The following PINX1 variants were observed in gnomAD, a reference collection of about 807,000 sequenced individuals.
PINX1 encodes the protein PIN2 (TERF1) interacting telomerase inhibitor 1, also known as PIN2/TERF1-interacting telomerase inhibitor 1.
In PINX1, 34 loss-of-function variants were observed where a neutral mutation model predicts 25.4. The observed-to-expected ratio is 1.34, with a 90% confidence interval of 1.02 to 1.78. The LOEUF (loss-of-function observed/expected upper bound fraction) is 1.78. Among genes scored for constraint, PINX1 ranks in the 40% most tolerant of loss-of-function variants. The pLI, the probability that PINX1 is intolerant of heterozygous loss-of-function variation, is 0.00. For missense variants in PINX1, 592 were observed against 404.9 expected (o/e 1.46, Z -3.97); for synonymous variants, 197 against 147.7 (o/e 1.33, Z -2.42).
chr8:10,781,018 G>A (rs1249597833), intron 6 of PINX1, among the ~76,000 whole-genome samples: 2 of 152,196 alleles, frequency 1.3e-5, no homozygotes, highest in South Asian at 2.1e-4. Flanking sequence ...ACAGACCAAT[G>A]GAACAGGTTA....
At chr8:10,801,292 A>T (rs1377390914) in intron 6 of PINX1, among the ~76,000 whole-genome samples, 1 of 152,230 alleles carries the variant, frequency 6.6e-6, no homozygotes, top group Non-Finnish European at 1.5e-5. Context: ...CTAAAGGAGG[A>T]GAGGATGATG....
At chr8:10,779,299 T>C (rs970305646) in intron 6 of PINX1, among the ~76,000 whole-genome samples, 11 of 152,088 alleles carry the variant, frequency 7.2e-5, no homozygotes, top group African/African-American at 2.4e-4. Context: ...AATAAATGTA[T>C]AAAATAACGA....
chr8:10,777,431 G>A (rs952612647), intron 6 of PINX1, among the ~76,000 whole-genome samples: 1 of 152,176 alleles, frequency 6.6e-6, no homozygotes, highest in Non-Finnish European at 1.5e-5. Flanking sequence ...TCGGCACCAT[G>A]TGCTAGAGCG....
In PINX1 at chr8:10,831,690, G is replaced by T; in HGVS notation, c.276C>A (p.Asn92Lys). Residue 92 changes from asparagine to lysine, a missense_variant, in exon 4 of 7, where the codon AAC (asparagine) becomes AAA (lysine). Physicochemically the swap from Asn to Lys is moderately conservative, Grantham distance 94. Coordinates refer to ENST00000314787, the MANE Select transcript of PINX1 (RefSeq NM_017884.6). The part of the protein sequence containing the change: ...DDFNQLLAEL[N>K]TCHGQETTDS... ...CTGTGGTTTCCTGCCCATGGCAAGT[G>T]TTCAGTTCGGCCAGAAGCTGGTTAA... 6.2e-7 allele frequency: 1 copy of T among 1,603,670 alleles called. No homozygotes were observed. The highest frequency in any genetic ancestry group is 8.5e-7 in the Non-Finnish European group (1 of 1,173,590).
At position 10,780,599 on chromosome 8, in the gene PINX1, C is replaced by T. The variant is rs540675921; in HGVS notation, c.472-14683G>A. The stretch of plus-strand genomic sequence containing the variant: ...CTGAAAAAGAAACCAAGAAAACAAT[C>T]CCATTTATGGTACCATCAAAAAAAA... On this transcript the variant is annotated intron_variant, in intron 6 of 6. Transcript: ENST00000314787. Among the ~76,000 whole-genome samples, 176 of 151,816 alleles carry T rather than the reference C, an allele frequency of 1.2e-3. 3 individuals carry two copies. In the South Asian group the frequency reaches 0.034, roughly 29 times the overall value.
At chr8:10,796,721 T>C (rs1274170550) in intron 6 of PINX1, among the ~76,000 whole-genome samples, 1 of 150,798 alleles carries the variant, frequency 6.6e-6, no homozygotes, top group Non-Finnish European at 1.5e-5. Context: ...CCTCAACTTA[T>C]ACTAAGAGCT....
intron 6 of PINX1, among the ~76,000 whole-genome samples, chr8:10,800,952 C>T (rs1370294703): frequency 6.6e-6 from 1 of 152,196 alleles, no homozygotes; most frequent in East Asian, 1.9e-4. Flanking sequence ...AAGATGGACA[C>T]TGAGTCAGTG....
intron 6 of PINX1, among the ~76,000 whole-genome samples, chr8:10,770,459 C>T (rs1447837853): frequency 6.6e-6 from 1 of 152,206 alleles, no homozygotes; most frequent in African/African-American, 2.4e-5. Context: ...CCTGAAGCTA[C>T]ATGTATCAAC....
At chr8:10,771,675 A>G (rs561133208) in intron 6 of PINX1, among the ~76,000 whole-genome samples, 1 of 152,242 alleles carries the variant, frequency 6.6e-6, no homozygotes, top group South Asian at 2.1e-4. Flanking sequence ...ACCACCACCC[A>G]CTGGCCCCAA....
Position 10,765,412 on chromosome 8 carries a change from C to A in PINX1, c.976G>T (p.Asp326Tyr). 6.2e-7 allele frequency: 1 copy of A among 1,602,034 alleles called. No individual in the cohort carries two copies. The highest frequency in any genetic ancestry group is 8.5e-7 in the Non-Finnish European group (1 of 1,176,480). ...CGGCTGGGAAGGATTCATTTGGAAT[C>A]TTTCTTCTTCTTCTTTTTCACTAGC... ...ETLVKKKKKK[D>Y]SK Residue 326 changes from aspartate (D) to tyrosine (Y), a missense_variant, in exon 7 of 7, where the codon GAT becomes TAT. Transcript: ENST00000314787.
Position 10,821,714 on chromosome 8 carries a change from GCA to G in PINX1, c.395-1447_395-1446del, listed in dbSNP as rs1797881591. The G allele has an allele frequency of 2.0e-5, 3 of 152,332 alleles. No homozygotes were observed. In the South Asian group the frequency reaches 6.2e-4, roughly 32 times the overall value. The allele number at this position is 152,332 out of a possible 1,614,324, so 9.4% of individuals were successfully genotyped here. On this transcript the variant is annotated intron_variant, in intron 5 of 6. Transcript: ENST00000314787. ...AGCACAACCCATTTTCCAATGCAAA[GCA>G]CAGTTTGTACTTCAGAAAAGGCAGC... is the stretch of plus-strand genomic sequence containing the variant.
intron 6 of PINX1, chr8:10,771,248 C>T (rs1008581001): frequency 2.0e-5 from 3 of 152,186 alleles, no homozygotes; most frequent in African/African-American, 7.2e-5. Context: ...GGAGACCCCA[C>T]CGTCAGCTGT....
chr8:10,769,182 G>A (rs188622815), intron 6 of PINX1, among the ~76,000 whole-genome samples: 13 of 152,210 alleles, frequency 8.5e-5, no homozygotes, highest in East Asian at 3.9e-4. Context: ...TCAGGGATTC[G>A]GGAAATGTCT....
At chr8:10,776,772 G>A (rs1801410369) in intron 6 of PINX1, among the ~76,000 whole-genome samples, 1 of 152,120 alleles carries the variant, frequency 6.6e-6, no homozygotes, top group East Asian at 1.9e-4. Context: ...CACCAGAGTC[G>A]CCACCCTGCT....
At chr8:10,772,345 C>T (rs1237265481) in intron 6 of PINX1, among the ~76,000 whole-genome samples, 2 of 152,254 alleles carry the variant, frequency 1.3e-5, no homozygotes, top group African/African-American at 2.4e-5. Context: ...GAAGGCTGAG[C>T]TAGGCAGTGA....
chr8:10,830,445 G>A (rs1014253175), intron 4 of PINX1, among the ~76,000 whole-genome samples: 1 of 152,142 alleles, frequency 6.6e-6, no homozygotes, highest in Non-Finnish European at 1.5e-5. Flanking sequence ...TTATACCTCT[G>A]CAGATCCTCA....
intron 6 of PINX1, among the ~76,000 whole-genome samples, chr8:10,767,827 G>C (rs372141864): frequency 1.2e-5 from 1 of 82,172 alleles, no homozygotes; most frequent in East Asian, 4.0e-4. Context: ...TCGGTGACCA[G>C]GCACCCTCAC....
At chr8:10,806,954 C>A (rs1278012881) in intron 6 of PINX1, among the ~76,000 whole-genome samples, 3 of 152,182 alleles carry the variant, frequency 2.0e-5, no homozygotes, top group Non-Finnish European at 4.4e-5. Flanking sequence ...GGCAAACTCC[C>A]CATCTGAGAA....
At chr8:10,837,718 A>G (rs750599662) in intron 1 of PINX1, among the ~76,000 whole-genome samples, 6 of 152,180 alleles carry the variant, frequency 3.9e-5, no homozygotes, top group Non-Finnish European at 7.4e-5. Context: ...CATCCACACA[A>G]CAGCTCAATA....
Sources: allele counts gnomAD v4.1 joint callset (sites outside exome capture counted in the v4.1 genomes callset), GRCh38; gene constraint gnomAD v4.1.1; transcripts MANE v1.5; gene names NCBI Gene and HGNC (gene_info 2026-07-23, HGNC 2026-07-21).